The following HTR4 variants were observed in gnomAD, a reference collection of about 807,000 sequenced individuals.
HTR4 encodes the protein 5-hydroxytryptamine receptor 4, also known as 5-hydroxytryptamine (serotonin) receptor 4, G protein-coupled.
A neutral mutation model predicts 36.8 loss-of-function variants in HTR4; 16 were observed. The ratio of observed to expected loss-of-function variants is 0.43; its 90% CI spans 0.29 to 0.66. The LOEUF (loss-of-function observed/expected upper bound fraction) is 0.66, where lower values mean the gene tolerates loss of function less well. HTR4 is among the 30% of genes least tolerant of loss of function. The probability of loss-of-function intolerance (pLI) is 0.13; values close to 1 mark genes in which losing one functional copy is unlikely to be tolerated. For synonymous variants in HTR4, 189 were observed against 185.1 expected (o/e 1.02, Z -0.17); for missense variants, 438 against 490.9 (o/e 0.89, Z 1.02).
At chr5:148,525,853 CA>C (rs1758242825) in intron 4 of HTR4, among the ~76,000 whole-genome samples, 2 of 152,164 alleles carry the variant, frequency 1.3e-5, no homozygotes, top group Non-Finnish European at 2.9e-5. Flanking sequence ...TTAAAAGAGG[CA>C]ATCAAATTAA....
intron 6 of HTR4, among the ~76,000 whole-genome samples, chr5:148,499,940 C>T (rs1756862643): frequency 6.6e-6 from 1 of 152,124 alleles, no homozygotes; most frequent in African/African-American, 2.4e-5. Flanking sequence ...CATCTTCTGC[C>T]ATGAGTAAAA....
intron 2 of HTR4, among the ~76,000 whole-genome samples, chr5:148,602,075 T>G (rs1762015758): frequency 2.0e-5 from 3 of 152,104 alleles, no homozygotes; most frequent in Non-Finnish European, 4.4e-5. Flanking sequence ...TGCCTACAGC[T>G]AGAAATACTC....
At chr5:148,630,013 A>C (rs2127299709) in intron 2 of HTR4, 1 of 152,318 alleles carries the variant, frequency 6.6e-6, no homozygotes. Flanking sequence ...TGCTTTAAGC[A>C]GTAAGAGCAA....
intron 5 of HTR4, among the ~76,000 whole-genome samples, chr5:148,510,891 G>C (rs182781713): frequency 1.6e-3 from 248 of 152,312 alleles, no homozygotes; most frequent in African/African-American, 5.8e-3. Context: ...GGAAAGAAAG[G>C]GTAGATATTT....
intron 2 of HTR4, among the ~76,000 whole-genome samples, chr5:148,559,002 G>A (rs866082737): frequency 2.8e-4 from 42 of 152,152 alleles, no homozygotes; most frequent in African/African-American, 9.7e-4. Context: ...CATTGTAACA[G>A]CCTAGCCTAC....
chr5:148,604,848 T>C (rs1454500249), intron 2 of HTR4, among the ~76,000 whole-genome samples: 1 of 152,220 alleles, frequency 6.6e-6, no homozygotes, highest in Non-Finnish European at 1.5e-5. Flanking sequence ...ACTTCAGGTA[T>C]TGGAAATGTT....
chr5:148,522,001 C>A (rs1026252448), intron 5 of HTR4, among the ~76,000 whole-genome samples: 1 of 152,102 alleles, frequency 6.6e-6, no homozygotes, highest in Admixed American at 6.6e-5. Context: ...ATAGGAGGGA[C>A]CTGGTGGGAG....
intron 5 of HTR4, among the ~76,000 whole-genome samples, chr5:148,455,352 T>C (rs1444774160): frequency 6.6e-6 from 1 of 152,128 alleles, no homozygotes; most frequent in Non-Finnish European, 1.5e-5. Context: ...GAAAAAGGTA[T>C]CCTAGTTGAG....
intron 6 of HTR4, among the ~76,000 whole-genome samples, chr5:148,505,361 T>C (rs564301779): frequency 6.6e-6 from 1 of 152,310 alleles, no homozygotes; most frequent in East Asian, 1.9e-4. Context: ...TAGGTATTGA[T>C]GGGACATATA....
intron 2 of HTR4, among the ~76,000 whole-genome samples, chr5:148,564,047 G>A (rs1760329954): frequency 6.6e-6 from 1 of 152,196 alleles, no homozygotes; most frequent in Non-Finnish European, 1.5e-5. Context: ...AAAGAAATTA[G>A]CTAATTTCTC....
intron 5 of HTR4, among the ~76,000 whole-genome samples, chr5:148,464,189 A>G (rs1224887479): frequency 1.3e-5 from 2 of 152,144 alleles, no homozygotes; most frequent in African/African-American, 2.4e-5. Context: ...TTTGGTGACA[A>G]CTTTTCAGAT....
intron 2 of HTR4, chr5:148,630,333 C>G (rs1226172144): frequency 6.6e-6 from 1 of 152,070 alleles, no homozygotes; most frequent in Non-Finnish European, 1.5e-5. Context: ...AGCACAAGAC[C>G]AGGAGTCAAA....
intron 1 of HTR4, among the ~76,000 whole-genome samples, chr5:148,646,952 C>T (rs886703760): frequency 2.6e-5 from 4 of 152,214 alleles, no homozygotes; most frequent in Non-Finnish European, 4.4e-5. Flanking sequence ...TATCTCAGCT[C>T]TCCCAGCTTA....
chr5:148,547,320 A>G (rs1759426407), intron 4 of HTR4, among the ~76,000 whole-genome samples: 1 of 151,996 alleles, frequency 6.6e-6, no homozygotes, highest in Non-Finnish European at 1.5e-5. Context: ...TCAATTTAAA[A>G]AAAACAGTGA....
chr5:148,480,521 G>A (rs1755841770), downstream of HTR4, among the ~76,000 whole-genome samples: 1 of 152,184 alleles, frequency 6.6e-6, no homozygotes, highest in South Asian at 2.1e-4. Flanking sequence ...TGGGACTACA[G>A]GCAGATGCCA....
intron 2 of HTR4, among the ~76,000 whole-genome samples, chr5:148,607,538 A>C (rs1043642206): frequency 6.6e-6 from 1 of 152,024 alleles, no homozygotes; most frequent in Admixed American, 6.5e-5. Flanking sequence ...GAAGGCCCCA[A>C]CTCAACTTTG....
At chr5:148,503,501 A>G (rs1027658831) in intron 6 of HTR4, among the ~76,000 whole-genome samples, 1 of 152,230 alleles carries the variant, frequency 6.6e-6, no homozygotes, top group Admixed American at 6.5e-5. Flanking sequence ...AGCACTAAAC[A>G]TGGAAAGGAA....
intron 4 of HTR4, among the ~76,000 whole-genome samples, chr5:148,525,050 C>T (rs1758200080): frequency 6.6e-6 from 1 of 152,124 alleles, no homozygotes; most frequent in South Asian, 2.1e-4. Flanking sequence ...TGATCTGGGC[C>T]AGAGTGCAAG....
chr5:148,600,008 G>A (rs1330828701), intron 2 of HTR4, among the ~76,000 whole-genome samples: 1 of 150,986 alleles, frequency 6.6e-6, no homozygotes, highest in Non-Finnish European at 1.5e-5. Flanking sequence ...AATCAATAAA[G>A]GAGAAAAAGC....
Sources: allele counts gnomAD v4.1 joint callset (sites outside exome capture counted in the v4.1 genomes callset), GRCh38; gene constraint gnomAD v4.1.1; transcripts MANE v1.5; gene names NCBI Gene and HGNC (gene_info 2026-07-23, HGNC 2026-07-21).